CDK5RAP2: variants seen among roughly 807,000 people sequenced by gnomAD.
CDK5RAP2 encodes CDK5 regulatory subunit-associated protein 2.
In CDK5RAP2, 147 loss-of-function variants were observed where a neutral mutation model predicts 232.9. The observed-to-expected ratio is 0.63, with a 90% CI of 0.55 to 0.72. The LOEUF (loss-of-function observed/expected upper bound fraction) is 0.72, where lower values mean the gene tolerates loss of function less well. CDK5RAP2 is among the 30% of genes least tolerant of loss of function. CDK5RAP2 has a pLI of 0.00. For missense variants in CDK5RAP2, 2,195 were observed against 2,231.5 expected, an observed-to-expected ratio of 0.98 and a Z score of 0.33; for synonymous variants, 833 against 833.7, an observed-to-expected ratio of 1.00 and a Z score of 0.01.
Position 120,502,836 on chromosome 9 carries a change from G to A in CDK5RAP2, c.1312-11359C>T, listed in dbSNP as rs189116128. ...GAAAGTTAGGATACCAAAGAGTATA[G>A]ACCGCTTCTCTTATTTTACTCATTA... On this transcript the variant is annotated intron_variant, in intron 12 of 37. Transcript: ENST00000349780. Among the ~76,000 whole-genome samples, 5 of 152,188 alleles carry A rather than the reference G, an allele frequency of 3.3e-5. No individual in the cohort carries two copies. In the East Asian group the frequency reaches 5.8e-4, roughly 18 times the overall value.
chr9:120,543,678 G>A (rs2041729356), intron 5 of CDK5RAP2, among the ~76,000 whole-genome samples: 1 of 152,076 alleles, frequency 6.6e-6, no homozygotes, highest in Non-Finnish European at 1.5e-5. Context: ...GGCCAACATG[G>A]TGAAACCCCA....
rs766136202 is a variant in CDK5RAP2, at chr9:120,550,812, T to A, written c.286A>T (p.Thr96Ser). Reference protein sequence around the residue: ...ERMQQEFHGPTEHIYKTNIEL... With the variant: ...ERMQQEFHGPSEHIYKTNIEL... ...CTCACAGTTTTGTAGATATGTTCAG[T>A]GGGGCCATGAAATTCCTGTTGCATT... Residue 96 changes from threonine to serine, a missense_variant, in exon 4 of 38, where the codon ACT (threonine) becomes TCT (serine). Physicochemically the swap from Thr to Ser is moderately conservative, Grantham distance 58. Coordinates refer to ENST00000349780, the MANE Select transcript of CDK5RAP2 (RefSeq NM_018249.6). 9 of 1,606,944 alleles carry A rather than the reference T, an allele frequency of 5.6e-6. No homozygotes were observed. In the South Asian group the frequency reaches 7.7e-5, roughly 14 times the overall value.
chr9:120,391,312 C>T (rs551733180), intron 36 of CDK5RAP2, among the ~76,000 whole-genome samples: 32 of 152,282 alleles, frequency 2.1e-4, no homozygotes, highest in African/African-American at 7.7e-4. Flanking sequence ...AGCACTGCCA[C>T]GTTCCAAAGC....
chr9:120,507,011 A>C (rs1479028675), intron 12 of CDK5RAP2, among the ~76,000 whole-genome samples: 1 of 152,184 alleles, frequency 6.6e-6, no homozygotes, highest in African/African-American at 2.4e-5. Context: ...ATATTTTGTG[A>C]AAGGAAGAGT....
intron 36 of CDK5RAP2, among the ~76,000 whole-genome samples, chr9:120,392,566 A>G (rs2032088732): frequency 6.6e-6 from 1 of 152,188 alleles, no homozygotes; most frequent in African/African-American, 2.4e-5. Context: ...AGAGATGCCA[A>G]TGCAGAGAGT....
intron 5 of CDK5RAP2, among the ~76,000 whole-genome samples, chr9:120,539,390 T>C (rs746059671): frequency 1.3e-5 from 2 of 152,220 alleles, no homozygotes; most frequent in African/African-American, 2.4e-5. Context: ...TTTTAGCATA[T>C]AGCCTTTCAG....
chr9:120,409,082 A>G (rs746969959), intron 30 of CDK5RAP2, 45 bp downstream of exon 30: 4 of 1,582,598 alleles, frequency 2.5e-6, no homozygotes, highest in Non-Finnish European at 3.5e-6. Flanking sequence ...CAGTGCCTGC[A>G]TGCGTGGTAC....
intron 18 of CDK5RAP2, among the ~76,000 whole-genome samples, chr9:120,467,644 T>C (rs2037457102): frequency 1.3e-5 from 2 of 152,116 alleles, no homozygotes; most frequent in East Asian, 3.9e-4. Context: ...TATGAATATA[T>C]GGTTTTGATG....
chr9:120,576,906 T>C (rs1336464609), intron 1 of CDK5RAP2, among the ~76,000 whole-genome samples: 3 of 151,920 alleles, frequency 2.0e-5, no homozygotes, highest in Non-Finnish European at 2.9e-5. Context: ...CAAGACTGTC[T>C]CTAAAAAAAA....
intron 11 of CDK5RAP2, among the ~76,000 whole-genome samples, chr9:120,524,769 T>A (rs1230281492): frequency 1.3e-5 from 2 of 152,168 alleles, no homozygotes; most frequent in African/African-American, 4.8e-5. Context: ...CACTCCTAAC[T>A]GTGGAGGTAT....
chr9:120,544,040 G>T (rs1002177062), intron 5 of CDK5RAP2, among the ~76,000 whole-genome samples: 2 of 152,102 alleles, frequency 1.3e-5, no homozygotes, highest in African/African-American at 4.8e-5. Context: ...CAGGAACCTA[G>T]TCCACTGCAG....
In CDK5RAP2 at chr9:120,437,593, T is replaced by C. The variant is rs546018376; in HGVS notation, c.3723-66A>G. The stretch of plus-strand genomic sequence containing the variant: ...AATTGAATTTTTGTGACCTTAACAC[T>C]AATTGGAAAAATGACAGAGTACAAT... On this transcript the variant is annotated intron_variant, in intron 24 of 37. Transcript: ENST00000349780. 22 of 1,161,634 alleles carry C rather than the reference T, an allele frequency of 1.9e-5. No individual in the cohort carries two copies. In the Admixed American group the frequency reaches 3.7e-4, roughly 20 times the overall value. 72.0% of individuals were successfully genotyped at this position (1,161,634 alleles called of 1,614,324 possible).
In CDK5RAP2 at chr9:120,443,096, G is replaced by A. The variant is rs2035989244; in HGVS notation, c.3148+524C>T. ...AATACTTCATAATTTTAAAAAGAAA[G>A]GAATACAACTTGCCTCTGCCCTCAC... On this transcript the variant is annotated intron_variant, in intron 23 of 37. Transcript: ENST00000349780. 2.6e-5 allele frequency among the ~76,000 whole-genome samples: 4 copies of A among 152,108 alleles called. 1 individual carries two copies. The South Asian group carries it at 8.3e-4, about 32-fold the overall frequency.
chr9:120,403,286 C>T lies in CDK5RAP2; in HGVS notation c.5042-215G>A. On this transcript the variant is annotated intron_variant, in intron 33 of 37. Transcript: ENST00000349780. The surrounding 1 kb of genome is among the most constrained non-coding windows in gnomAD (Gnocchi z 4.2). ...GTCATCTTGTAGGAGAGGCTCAAGTCAACTCAACCAACACTTATCAACCAC... is the reference window on the plus strand; with the variant it reads ...GTCATCTTGTAGGAGAGGCTCAAGTTAACTCAACCAACACTTATCAACCAC... 1 of 564,492 alleles carries T rather than the reference C, an allele frequency of 1.8e-6. No homozygotes were observed. 35.0% of individuals were successfully genotyped at this position (564,492 alleles called of 1,614,324 possible).
chr9:120,546,738 A>T (rs1002862030), intron 4 of CDK5RAP2, among the ~76,000 whole-genome samples: 2 of 151,746 alleles, frequency 1.3e-5, no homozygotes, highest in Non-Finnish European at 2.9e-5. Context: ...GGCTCAAGGG[A>T]TCCTCCCACC....
chr9:120,520,409 A>G (rs2040562494), intron 11 of CDK5RAP2, among the ~76,000 whole-genome samples: 1 of 152,202 alleles, frequency 6.6e-6, no homozygotes, highest in East Asian at 1.9e-4. Flanking sequence ...TGGGAGGCTG[A>G]AGTGGGTGGA....
At chr9:120,574,864 T>C (rs1198440221) in intron 1 of CDK5RAP2, among the ~76,000 whole-genome samples, 1 of 151,064 alleles carries the variant, frequency 6.6e-6, no homozygotes, top group Non-Finnish European at 1.5e-5. Flanking sequence ...GACCAAAAAG[T>C]TAATAGGCTG....
intron 24 of CDK5RAP2, 87 bp downstream of exon 24, chr9:120,439,312 G>T (rs2035759398): frequency 2.7e-6 from 3 of 1,128,326 alleles, no homozygotes; most frequent in Non-Finnish European, 4.0e-6. Flanking sequence ...ACAGAGTAGT[G>T]TTCTCTTTTA....
intron 5 of CDK5RAP2, among the ~76,000 whole-genome samples, chr9:120,540,180 G>A (rs1177614341): frequency 1.3e-5 from 2 of 152,178 alleles, no homozygotes; most frequent in South Asian, 2.1e-4. Flanking sequence ...TACAACCACC[G>A]ATGCCAGAAG....
Sources: gnomAD v4.1 joint callset for allele counts (sites outside exome capture counted in the v4.1 genomes callset) on GRCh38, gnomAD v4.1.1 for gene constraint, Gnocchi (gnomAD v3.1) non-coding constraint, MANE v1.5 for transcripts, NCBI Gene and HGNC (gene_info 2026-07-23, HGNC 2026-07-21) for gene names.